SORT1: variants seen among roughly 807,000 people sequenced by gnomAD.
SORT1 encodes sortilin.
Under a neutral mutation model 101.7 loss-of-function variants are expected in SORT1, and 39 were observed. That is an observed-to-expected ratio of 0.38 (90% CI 0.30 to 0.50). The LOEUF (loss-of-function observed/expected upper bound fraction) is 0.50, where lower values mean the gene tolerates loss of function less well. SORT1 is among the 20% of genes least tolerant of loss of function. The probability of loss-of-function intolerance (pLI) is 0.90; values close to 1 mark genes in which losing one functional copy is unlikely to be tolerated. For missense variants in SORT1, 878 were observed against 1,040.4 expected, an observed-to-expected ratio of 0.84 and a Z score of 2.15; for synonymous variants, 396 against 393.7, an observed-to-expected ratio of 1.01 and a Z score of -0.07.
chr1:109,371,634 G>C (rs901335163), intron 1 of SORT1, among the ~76,000 whole-genome samples: 2 of 152,136 alleles, frequency 1.3e-5, no homozygotes, highest in African/African-American at 4.8e-5. Flanking sequence ...ATGCAGACTG[G>C]CATTACCCAC....
chr1:109,367,767 A>C (rs1328821081), intron 2 of SORT1, among the ~76,000 whole-genome samples: 1 of 152,244 alleles, frequency 6.6e-6, no homozygotes. Flanking sequence ...AATTATTGTA[A>C]GATACTCTCA....
chr1:109,314,344 C>T lies in SORT1; in HGVS notation c.2398G>A (p.Glu800Lys). 6.2e-7 allele frequency: 1 copy of T among 1,614,030 alleles called. No individual in the cohort carries two copies. The highest frequency in any genetic ancestry group is 8.5e-7 in the Non-Finnish European group (1 of 1,179,974). ...HRYSVLQQHA[E>K]ANGVDGVDAL... is the part of the protein sequence containing the mutation. ...TCCACACCATCCACACCATTGGCCT[C>T]TGCATGCTGCTGCAGCACAGAGTAT... is the stretch of plus-strand genomic sequence containing the variant. Residue 800 changes from glutamate to lysine, a missense_variant, in exon 19 of 20, where the codon GAG becomes AAG. Around this residue, in one of 2 missense-constraint regions of SORT1, gnomAD observed 684 missense variants for 894.5 expected, o/e 0.76. Transcript: ENST00000256637.
At chr1:109,321,273 C>T (rs914910694) in intron 15 of SORT1, among the ~76,000 whole-genome samples, 1 of 151,960 alleles carries the variant, frequency 6.6e-6, no homozygotes, top group African/African-American at 2.4e-5. Context: ...AGGGAAAGCC[C>T]ATCTAGTGGT....
At chr1:109,332,086 T>C (rs1648499674) in intron 11 of SORT1, among the ~76,000 whole-genome samples, 2 of 151,340 alleles carry the variant, frequency 1.3e-5, no homozygotes, top group Admixed American at 1.3e-4. Context: ...TTGGAATAAT[T>C]AATATTGTTA....
intron 11 of SORT1, among the ~76,000 whole-genome samples, 174 bp from the exon 12 acceptor site, chr1:109,327,775 C>T (rs1431117167): frequency 6.6e-6 from 1 of 152,158 alleles, no homozygotes; most frequent in African/African-American, 2.4e-5. Context: ...TAAGTATATT[C>T]ACATTGTTGT....
chr1:109,336,419 T>C, intron 10 of SORT1, 73 bp from the exon 11 acceptor site: 3 of 965,534 alleles, frequency 3.1e-6, no homozygotes, highest in Non-Finnish European at 5.1e-6. Context: ...TATCACTGCA[T>C]GACTCTCTCC....
chr1:109,369,742 G>A (rs931057267), intron 1 of SORT1, among the ~76,000 whole-genome samples, 153 bp from the exon 2 acceptor site: 1 of 152,118 alleles, frequency 6.6e-6, no homozygotes, highest in African/African-American at 2.4e-5. Flanking sequence ...TGGGAGGGAT[G>A]GGATTTAACT....
chr1:109,354,251 TA>T (rs1650158470), intron 5 of SORT1, 115 bp downstream of exon 5: 4 of 740,926 alleles, frequency 5.4e-6, no homozygotes, highest in East Asian at 2.7e-5. Context: ...CTTCATGCCA[TA>T]AGGAGACTTG....
rs1278818868 is a variant in SORT1 at position 109,311,260 on chromosome 1, T to C, written c.*2783A>G. The stretch of plus-strand genomic sequence containing the variant: ...TTGGACTGGTTTGTCCAATCTCTCT[T>C]ATAATGCTAAATTCCATTGCTGAAG... On this transcript the variant is annotated 3_prime_UTR_variant, in exon 20 of 20. Transcript: ENST00000256637. 1 of 152,232 alleles carries C rather than the reference T, an allele frequency of 6.6e-6. No homozygotes were observed. Among genetic ancestry groups the C allele is most frequent in the African/African-American group, 2.4e-5 (1 of 41,466 alleles). 9.4% of individuals were successfully genotyped at this position (152,232 alleles called of 1,614,324 possible).
chr1:109,319,358 C>CT (rs1233371674), intron 15 of SORT1, among the ~76,000 whole-genome samples: 1 of 152,206 alleles, frequency 6.6e-6, no homozygotes, highest in Non-Finnish European at 1.5e-5. Flanking sequence ...GCCCTGGGGC[C>CT]TTGCTTCCCT....
At chr1:109,342,889 G>A (rs1032540565) in intron 8 of SORT1, among the ~76,000 whole-genome samples, 12 of 151,286 alleles carry the variant, frequency 7.9e-5, no homozygotes, top group Admixed American at 5.3e-4. Flanking sequence ...AATTAATGTC[G>A]GTGTTTCCTT....
chr1:109,379,214 A>C (rs956216517), intron 1 of SORT1, among the ~76,000 whole-genome samples: 6 of 152,184 alleles, frequency 3.9e-5, no homozygotes, highest in South Asian at 2.1e-4. Context: ...TGGGGTGTCC[A>C]ATCTTTTGGC....
chr1:109,320,553 G>T (rs1570889056), intron 15 of SORT1, among the ~76,000 whole-genome samples: 1 of 152,164 alleles, frequency 6.6e-6, no homozygotes, highest in Non-Finnish European at 1.5e-5. Context: ...TTGATGAGCT[G>T]CTTCTTCCCA....
chr1:109,358,431 C>T lies in SORT1; in HGVS notation c.441-2962G>A, dbSNP rs113936987. ...CTTTATTTTCTATCAGCCTATGTCA[C>T]GAAGAGGAAATTGATGAAGCAACTT... On this transcript the variant is annotated intron_variant, in intron 3 of 19. Coordinates refer to ENST00000256637, the MANE Select transcript of SORT1 (RefSeq NM_002959.7). Among the ~76,000 whole-genome samples the T allele has an allele frequency of 2.0e-5, 3 of 152,168 alleles. No individual in the cohort carries two copies. In the South Asian group the frequency reaches 6.2e-4, roughly 32 times the overall value.
chr1:109,389,455 G>A (rs940074776), intron 1 of SORT1, among the ~76,000 whole-genome samples: 3 of 152,136 alleles, frequency 2.0e-5, no homozygotes, highest in Admixed American at 1.3e-4. Flanking sequence ...ACTTCCAAAT[G>A]CAGCACCATG....
In SORT1 at chr1:109,309,681, A is replaced by G. The variant is rs1337444573; in HGVS notation, c.*4362T>C. The G allele has an allele frequency of 1.3e-5, 2 of 152,240 alleles. No individual in the cohort carries two copies. The highest frequency in any genetic ancestry group is 6.5e-5 in the Admixed American group (1 of 15,284). 9.4% of individuals were successfully genotyped at this position (152,240 alleles called of 1,614,324 possible). On this transcript the variant is annotated 3_prime_UTR_variant, in exon 20 of 20. Transcript: ENST00000256637. Reference sequence around the variant, plus strand: ...CATTCAGATTTATTTACACAATGCTAAAGAAATTTGAGTTTTATTTCCATT... The same window carrying G: ...CATTCAGATTTATTTACACAATGCTGAAGAAATTTGAGTTTTATTTCCATT...
At chr1:109,320,189 T>A (rs6675765) in intron 15 of SORT1, among the ~76,000 whole-genome samples, 6,491 of 152,268 alleles carry the variant, frequency 0.043, 457 homozygotes, top group African/African-American at 0.15. Flanking sequence ...ATCACAACTA[T>A]TTTTGGTTGC....
intron 1 of SORT1, among the ~76,000 whole-genome samples, chr1:109,378,452 G>A (rs960408272): frequency 2.0e-5 from 3 of 151,516 alleles, no homozygotes; most frequent in South Asian, 2.1e-4. Context: ...TGAAAATAAT[G>A]AGCCAATAAG....
intron 3 of SORT1, among the ~76,000 whole-genome samples, chr1:109,356,408 A>C (rs1553196520): frequency 6.6e-6 from 1 of 152,228 alleles, no homozygotes; most frequent in African/African-American, 2.4e-5. Context: ...CAGAGAAGGT[A>C]ATTTCAGAAT....
Sources: allele counts gnomAD v4.1 joint callset (sites outside exome capture counted in the v4.1 genomes callset), GRCh38; gene constraint gnomAD v4.1.1; regional missense constraint gnomAD v4.1.1; transcripts MANE v1.5; gene names NCBI Gene and HGNC (gene_info 2026-07-23, HGNC 2026-07-21).